Variants in IRF6 observed in about 807,000 individuals in gnomAD.
The protein encoded by IRF6 is interferon regulatory factor 6.
A neutral mutation model predicts 51.4 loss-of-function variants in IRF6; 6 were observed. That is an observed-to-expected ratio of 0.12 (90% confidence interval 0.06 to 0.23). The LOEUF (loss-of-function observed/expected upper bound fraction) is 0.23. Ranked by LOEUF, IRF6 falls within the 10% of genes least tolerant of loss-of-function variation. The pLI is 1.00. For missense variants in IRF6, 348 were observed against 585.2 expected (o/e 0.59, Z 4.18); for synonymous variants, 178 against 215.7 (o/e 0.83, Z 1.53).
At chr1:209,795,248 C>T (rs1324768868) in intron 5 of IRF6, 42 bp downstream of exon 5, 7 of 1,610,920 alleles carry the variant, frequency 4.3e-6, no homozygotes, top group Admixed American at 3.3e-5. Flanking sequence ...AAACTCCTTA[C>T]ATCCTCCATA....
At chr1:209,795,496 T>G (rs2077895541) in intron 4 of IRF6, 78 bp from the exon 5 acceptor site, 1 of 1,601,074 alleles carries the variant, frequency 6.2e-7, no homozygotes, top group East Asian at 2.2e-5. Context: ...CCATTCAAGC[T>G]AGGGACTGCT....
chr1:209,796,678 A>ACAC lies in IRF6; in HGVS notation c.175-127_175-126insGTG. 3 of 438,458 alleles carry ACAC rather than the reference A, an allele frequency of 6.8e-6. No individual in the cohort carries two copies. The highest frequency in any genetic ancestry group is 3.7e-5 in the South Asian group (1 of 27,184). 27.2% of individuals were successfully genotyped at this position (438,458 alleles called of 1,614,324 possible). A position where few individuals can be genotyped will look rare whatever the true frequency, so the allele number is the denominator to read the frequency against. On this transcript the variant is annotated intron_variant, in intron 3 of 8. Coordinates refer to ENST00000367021, the MANE Select transcript of IRF6 (RefSeq NM_006147.4). The surrounding 1 kb of genome is among the most constrained non-coding windows in gnomAD (Gnocchi z 4.5). ...ACACACACACACACACACACACACA[A>ACAC]CTTTTGCATGACTGCCCCATCATCC...
chr1:209,799,283 T>C (rs2077925092), intron 3 of IRF6, among the ~76,000 whole-genome samples: 3 of 152,096 alleles, frequency 2.0e-5, no homozygotes, highest in Admixed American at 2.0e-4. Flanking sequence ...GGCAGTATAA[T>C]GGGGGGTGGG....
In IRF6 at chr1:209,804,380, G is replaced by A. The variant is rs867082305; in HGVS notation, c.-76+1567C>T. The stretch of plus-strand genomic sequence containing the variant: ...CTTCCATGTCCCTCTCATCTTCTGC[G>A]CACCAAGAAAGTAAACTAAAAACAT... On this transcript the variant is annotated intron_variant, in intron 1 of 8. Transcript: ENST00000367021. Among the ~76,000 whole-genome samples, 6 of 151,882 alleles carry A rather than the reference G, an allele frequency of 4.0e-5. No homozygotes were observed. The East Asian group carries it at 7.7e-4, about 19-fold the overall frequency.
chr1:209,794,974 A>T (rs6685182), intron 5 of IRF6, among the ~76,000 whole-genome samples: 11 of 152,084 alleles, frequency 7.2e-5, no homozygotes, highest in African/African-American at 2.4e-4. Context: ...CTTGGCCTGA[A>T]GGAAATTGGC....
Position 209,790,662 on chromosome 1 carries a change from A to T in IRF6, c.893T>A (p.Met298Lys). 1 of 1,614,244 alleles carries T rather than the reference A, an allele frequency of 6.2e-7. No individual in the cohort carries two copies. The highest frequency in any genetic ancestry group is 8.5e-7 in the Non-Finnish European group (1 of 1,180,042). ...KLFTSKLLDV[M>K]DRGLILEVSG... The stretch of plus-strand genomic sequence containing the variant: ...GACCTCCAGGATCAGTCCTCTGTCC[A>T]TGACGTCCAGCAGCTTGCTAGTGAA... Residue 298 changes from methionine to lysine, a missense_variant, in exon 7 of 9, where the codon ATG becomes AAG. Physicochemically the swap from Met to Lys is moderately conservative, Grantham distance 95. Transcript: ENST00000367021. This position sits in a 1 kb window ranked among gnomAD's most constrained non-coding sequence, Gnocchi z 4.8.
At position 209,788,590 on chromosome 1, in the gene IRF6, G is replaced by A. The variant is rs1553247595; in HGVS notation, c.1234C>T (p.Arg412Ter). ...IYEMFSGDFT[R>*]SFDSGSVRLQ... ...CGGACACTGCCACTATCAAAGGATC[G>A]TGTGAAATCACCAGAAAACATCTCG... Residue 412 changes from arginine (R) to a stop codon, truncating the protein, a stop_gained, in exon 9 of 9, where the codon CGA (arginine) becomes TGA (stop). Transcript: ENST00000367021. LOFTEE classifies it high-confidence loss of function. 1.2e-6 allele frequency: 2 copies of A among 1,614,114 alleles called. No individual in the cohort carries two copies. Among genetic ancestry groups the A allele is most frequent in the South Asian group, 1.1e-5 (1 of 91,084 alleles).
chr1:209,787,522 G>A lies in IRF6; in HGVS notation c.*898C>T, dbSNP rs1261708405. On this transcript the variant is annotated 3_prime_UTR_variant, in exon 9 of 9. Transcript: ENST00000367021. ...AAGTACATCTTAGATCCCCAGCTCA[G>A]TCTAGCTCAGAGAAGAAAACAAGAA... The A allele has an allele frequency of 6.6e-6, 1 of 152,146 alleles. No homozygotes were observed. Among genetic ancestry groups the A allele is most frequent in the African/African-American group, 2.4e-5 (1 of 41,416 alleles). 9.4% of individuals were successfully genotyped at this position (152,146 alleles called of 1,614,324 possible). A position where few individuals can be genotyped will look rare whatever the true frequency, so the allele number is the denominator to read the frequency against.
intron 4 of IRF6, 28 bp from the exon 5 acceptor site, chr1:209,795,446 G>A: frequency 2.5e-6 from 4 of 1,612,804 alleles, no homozygotes; most frequent in Non-Finnish European, 3.4e-6. Flanking sequence ...GCTCGCAGGT[G>A]AGCCATTCAG....
At chr1:209,794,673 G>C (rs2077890102) in intron 5 of IRF6, among the ~76,000 whole-genome samples, 1 of 152,210 alleles carries the variant, frequency 6.6e-6, no homozygotes, top group African/African-American at 2.4e-5. Context: ...AATTCAACGT[G>C]TGTTCAAGTA....
chr1:209,797,554 C>A (rs1402126988), intron 3 of IRF6, among the ~76,000 whole-genome samples: 4 of 152,094 alleles, frequency 2.6e-5, no homozygotes, highest in Non-Finnish European at 5.9e-5. Context: ...TGCTGTCAAC[C>A]ACACCAGTGG....
chr1:209,802,952 G>C (rs1374137497), intron 1 of IRF6, among the ~76,000 whole-genome samples: 1 of 152,178 alleles, frequency 6.6e-6, no homozygotes, highest in Non-Finnish European at 1.5e-5. Flanking sequence ...GGCACTTTAA[G>C]AGCAAGGCAA....
At chr1:209,791,135 A>C in intron 6 of IRF6, 2 of 777,076 alleles carry the variant, frequency 2.6e-6, no homozygotes, top group Non-Finnish European at 3.1e-6. Flanking sequence ...CCACACCCCA[A>C]AGGCTACAAT....
At chr1:209,804,299 G>A (rs886982966) in intron 1 of IRF6, among the ~76,000 whole-genome samples, 1 of 152,076 alleles carries the variant, frequency 6.6e-6, no homozygotes, top group African/African-American at 2.4e-5. Flanking sequence ...CTGGGCTGAG[G>A]TGCTTTATTT....
At chr1:209,791,071 G>C in intron 6 of IRF6, 184 bp from the exon 7 acceptor site, 1 of 985,162 alleles carries the variant, frequency 1.0e-6, no homozygotes, top group Non-Finnish European at 1.2e-6. Context: ...TCACTCAAAA[G>C]GCTGCCTGAA....
chr1:209,789,745 T>A lies in IRF6; in HGVS notation c.1101A>T (p.Pro367=), dbSNP rs375673997. Residue 367 remains proline (P), a synonymous_variant, in exon 8 of 9, where the codon CCA becomes CCT. Coordinates refer to ENST00000367021, the MANE Select transcript of IRF6 (RefSeq NM_006147.4). The part of the protein sequence containing the change: ...AHQKGQIEKQ[P]PFEIYLCFGE... ...CAAAGCATAAGTAGATCTCAAACGG[T>A]GGCTGCTTCTCTATCTGTCCTTTCT... 7 of 1,614,026 alleles carry A rather than the reference T, an allele frequency of 4.3e-6. No individual in the cohort carries two copies. In the African/African-American group the frequency reaches 9.3e-5, roughly 22 times the overall value.
At position 209,790,727 on chromosome 1, in the gene IRF6, G is replaced by A; in HGVS notation, c.828C>T (p.Phe276=). Reference sequence around the variant, plus strand: ...CATTGGTAATATGCTCAGGACCTGGGAATTTGACCTGCTCCAGGCTGACGG... The same window carrying A: ...CATTGGTAATATGCTCAGGACCTGGAAATTTGACCTGCTCCAGGCTGACGG... The part of the protein sequence containing the change: ...FGPVSLEQVK[F]PGPEHITNEK... Residue 276 remains phenylalanine, a synonymous_variant, in exon 7 of 9, where the codon TTC becomes TTT. Coordinates refer to ENST00000367021, the MANE Select transcript of IRF6 (RefSeq NM_006147.4). The surrounding 1 kb of genome is among the most constrained non-coding windows in gnomAD (Gnocchi z 4.8). 3.1e-6 allele frequency: 5 copies of A among 1,614,190 alleles called. No individual in the cohort carries two copies. The highest frequency in any genetic ancestry group is 4.2e-6 in the Non-Finnish European group (5 of 1,180,042).
rs2077896088 is a variant in IRF6 at position 209,795,552 on chromosome 1, C to T, written c.380-134G>A. 4 of 1,340,196 alleles carry T rather than the reference C, an allele frequency of 3.0e-6. No homozygotes were observed. In the South Asian group the frequency reaches 4.9e-5, roughly 17 times the overall value. 83.0% of individuals were successfully genotyped at this position (1,340,196 alleles called of 1,614,324 possible). On this transcript the variant is annotated intron_variant, in intron 4 of 8. Transcript: ENST00000367021. The stretch of plus-strand genomic sequence containing the variant: ...TCAGTACACACCCTCAATGTCCTAG[C>T]TAAAAAGAGTGAGAATCAAGGGAAT...
chr1:209,790,830 G>A lies in IRF6; in HGVS notation c.725C>T (p.Thr242Ile), dbSNP rs766634450. The A allele has an allele frequency of 5.6e-6, 9 of 1,613,586 alleles. No homozygotes were observed. Among genetic ancestry groups the A allele is most frequent in the Non-Finnish European group, 7.6e-6 (9 of 1,180,026 alleles). ...TCGGCAGCCCTGAGGGTTGCTCACG[G>A]TCATGGTCTGCCCGTACTCCTTCCC... ...YRGKEYGQTM[T>I]VSNPQGCRLF... The change falls in exon 7 of 9, where the codon ACC (threonine) becomes ATC (isoleucine). Residue 242 changes from threonine to isoleucine, a missense_variant. By Grantham distance (89) the Thr-to-Ile change is moderately conservative. This residue lies in a region of IRF6 where 125 missense variants were observed against 222.0 expected (regional missense o/e 0.56). Transcript: ENST00000367021. This position sits in a 1 kb window ranked among gnomAD's most constrained non-coding sequence, Gnocchi z 4.8.
Sources: allele counts gnomAD v4.1 joint callset (sites outside exome capture counted in the v4.1 genomes callset), GRCh38; gene constraint gnomAD v4.1.1; regional missense constraint gnomAD v4.1.1; non-coding constraint Gnocchi (gnomAD v3.1); transcripts MANE v1.5; gene names NCBI Gene and HGNC (gene_info 2026-07-23, HGNC 2026-07-21).